Variants in HOMER1 observed in about 807,000 individuals in gnomAD.
The protein encoded by HOMER1 is homer scaffold protein 1, also known as homer protein homolog 1.
HOMER1 carries 3 observed loss-of-function variants against 48.9 expected under a neutral mutation model. The ratio of observed to expected loss-of-function variants is 0.06; its 90% CI spans 0.03 to 0.16. The LOEUF (loss-of-function observed/expected upper bound fraction) is 0.16, where lower values mean the gene tolerates loss of function less well. Among genes scored for constraint, HOMER1 ranks in the 10% least tolerant of loss-of-function variants. The probability of loss-of-function intolerance (pLI) is 1.00; values close to 1 mark genes in which losing one functional copy is unlikely to be tolerated. For missense variants in HOMER1, 247 were observed against 411.4 expected (o/e 0.60, Z 3.46); for synonymous variants, 134 against 146.4 (o/e 0.92, Z 0.61).
At chr5:79,510,461 C>A (rs1045900668) in intron 1 of HOMER1, 14 of 686,220 alleles carry the variant, frequency 2.0e-5, no homozygotes, top group Non-Finnish European at 3.5e-5. Context: ...CCACACCACA[C>A]ACAACCAGTC....
chr5:79,439,543 G>A (rs1750686805), intron 4 of HOMER1, among the ~76,000 whole-genome samples: 1 of 152,114 alleles, frequency 6.6e-6, no homozygotes, highest in Non-Finnish European at 1.5e-5. Context: ...ATGTGATTTT[G>A]GTGAAAGAAG....
chr5:79,381,396 T>A (rs73769646), intron 8 of HOMER1, among the ~76,000 whole-genome samples: 1 of 152,196 alleles, frequency 6.6e-6, no homozygotes, highest in African/African-American at 2.4e-5. Context: ...CAGAAGTGAC[T>A]GTTAAACCAG....
chr5:79,383,819 C>T (rs1440099322), intron 8 of HOMER1, among the ~76,000 whole-genome samples: 4 of 151,948 alleles, frequency 2.6e-5, no homozygotes, highest in Non-Finnish European at 5.9e-5. Flanking sequence ...TCTCAGACCA[C>T]AATGGAATAA....
Position 79,436,935 on chromosome 5 carries a change from T to C in HOMER1, c.527+2075A>G, listed in dbSNP as rs187133822. On this transcript the variant is annotated intron_variant, in intron 5 of 8. Transcript: ENST00000334082. The stretch of plus-strand genomic sequence containing the variant: ...AAGAACTACAAGATTATGTAATACC[T>C]TTCACATAATTAAAAACTTAAATTG... 2.4e-3 allele frequency among the ~76,000 whole-genome samples: 360 copies of C among 152,344 alleles called. 1 individual carries two copies. The highest frequency in any genetic ancestry group is 8.3e-3 in the African/African-American group (344 of 41,588).
intron 4 of HOMER1, among the ~76,000 whole-genome samples, chr5:79,442,789 C>T (rs1416450104): frequency 6.6e-6 from 1 of 152,116 alleles, no homozygotes; most frequent in Admixed American, 6.6e-5. Context: ...TCTTGAGATC[C>T]CATGGCAGTG....
intron 6 of HOMER1, among the ~76,000 whole-genome samples, chr5:79,400,908 T>A (rs1298679500): frequency 1.4e-5 from 2 of 143,148 alleles, no homozygotes; most frequent in Non-Finnish European, 3.0e-5. Flanking sequence ...CCATGCTTGG[T>A]TAATTAAAAA....
At chr5:79,398,232 A>T (rs1257393137) in intron 6 of HOMER1, among the ~76,000 whole-genome samples, 1 of 152,092 alleles carries the variant, frequency 6.6e-6, no homozygotes, top group Non-Finnish European at 1.5e-5. Flanking sequence ...ATTTTTTGAG[A>T]GAACAGAGAG....
chr5:79,438,740 A>C (rs1750661799), intron 5 of HOMER1, among the ~76,000 whole-genome samples: 1 of 152,196 alleles, frequency 6.6e-6, no homozygotes. Context: ...TTCACTGAAA[A>C]ACAATTTGTA....
In HOMER1 at chr5:79,456,892, C is replaced by T. The variant is rs778123693; in HGVS notation, c.132G>A (p.Val44=). The T allele has an allele frequency of 6.2e-7, 1 of 1,614,054 alleles. No individual in the cohort carries two copies. The highest frequency in any genetic ancestry group is 1.3e-5 in the African/African-American group (1 of 75,042). Residue 44 remains valine, a synonymous_variant, in exon 2 of 9, where the codon GTG becomes GTA. Coordinates refer to ENST00000334082, the MANE Select transcript of HOMER1 (RefSeq NM_004272.5). Reference sequence around the variant, plus strand: ...AGCCATCTAAACTGATTATCCTATACACATTTCTTGTGCTGTCATAGAAAT... The same window carrying T: ...AGCCATCTAAACTGATTATCCTATATACATTTCTTGTGCTGTCATAGAAAT... ...VSYFYDSTRN[V]YRIISLDGSK...
chr5:79,503,330 C>T (rs575895811), intron 1 of HOMER1, among the ~76,000 whole-genome samples: 179 of 151,486 alleles, frequency 1.2e-3, no homozygotes, highest in Middle Eastern at 3.5e-3. Context: ...GTCAGGAGCT[C>T]GAGACCAGCC....
At chr5:79,501,653 G>T (rs10214046) in intron 1 of HOMER1, among the ~76,000 whole-genome samples, 31,297 of 152,106 alleles carry the variant, frequency 0.21, 3,534 homozygotes, top group Admixed American at 0.3. Flanking sequence ...TAAGGAGTTA[G>T]AAACCCTTCT....
At chr5:79,389,001 C>G (rs1006288964) in intron 8 of HOMER1, among the ~76,000 whole-genome samples, 12 of 151,782 alleles carry the variant, frequency 7.9e-5, no homozygotes, top group African/African-American at 2.9e-4. Context: ...GGGAAAACAC[C>G]CTCAACAATG....
At chr5:79,492,628 G>C (rs1032819015) in intron 1 of HOMER1, among the ~76,000 whole-genome samples, 1 of 152,134 alleles carries the variant, frequency 6.6e-6, no homozygotes, top group African/African-American at 2.4e-5. Context: ...CGCAGTCGCA[G>C]CCCTCAAAAG....
At chr5:79,431,368 G>A (rs34160028) in intron 5 of HOMER1, among the ~76,000 whole-genome samples, 95,940 of 151,658 alleles carry the variant, frequency 0.63, 33,513 homozygotes, top group East Asian at 0.99. Context: ...AGTCACAAAG[G>A]CCACATATTA....
At chr5:79,400,335 A>T (rs1442791794) in intron 6 of HOMER1, among the ~76,000 whole-genome samples, 1 of 151,424 alleles carries the variant, frequency 6.6e-6, no homozygotes, top group Non-Finnish European at 1.5e-5. Context: ...ACTCTGTCTC[A>T]ACTGCATTTC....
At chr5:79,431,764 T>G (rs1750432971) in intron 5 of HOMER1, among the ~76,000 whole-genome samples, 1 of 152,218 alleles carries the variant, frequency 6.6e-6, no homozygotes, top group Non-Finnish European at 1.5e-5. Flanking sequence ...ACAATGTACA[T>G]TTATTTAAAC....
intron 2 of HOMER1, among the ~76,000 whole-genome samples, chr5:79,452,309 A>G (rs1751051103): frequency 1.3e-5 from 2 of 152,226 alleles, no homozygotes; most frequent in Admixed American, 1.3e-4. Context: ...CTAGTATTTT[A>G]GCATGTTACT....
chr5:79,466,456 C>A (rs1249025254), intron 1 of HOMER1, among the ~76,000 whole-genome samples: 1 of 151,760 alleles, frequency 6.6e-6, no homozygotes, highest in Non-Finnish European at 1.5e-5. Flanking sequence ...TGAGATCGTG[C>A]CACTGCACTC....
At chr5:79,377,318 C>A (rs1369594618) in intron 8 of HOMER1, among the ~76,000 whole-genome samples, 1 of 151,798 alleles carries the variant, frequency 6.6e-6, no homozygotes, top group Non-Finnish European at 1.5e-5. Flanking sequence ...TAAAGTGAGT[C>A]TAAAAAAATA....
Sources: allele counts gnomAD v4.1 joint callset (sites outside exome capture counted in the v4.1 genomes callset), GRCh38; gene constraint gnomAD v4.1.1; transcripts MANE v1.5; gene names NCBI Gene and HGNC (gene_info 2026-07-23, HGNC 2026-07-21).